MRTFB: variants seen among roughly 807,000 people sequenced by gnomAD.
MRTFB encodes the protein myocardin-related transcription factor B.
In MRTFB, 29 loss-of-function variants were observed where a neutral mutation model predicts 104.2. The ratio of observed to expected loss-of-function variants is 0.28; its 90% CI spans 0.21 to 0.38. The LOEUF is 0.38. Ranked by LOEUF, MRTFB falls within the 10% of genes least tolerant of loss-of-function variation. The pLI, the probability that MRTFB is intolerant of heterozygous loss-of-function variation, is 1.00. For synonymous variants in MRTFB, 535 were observed against 519.5 expected (o/e 1.03, Z -0.41); for missense variants, 1,270 against 1,341.6 (o/e 0.95, Z 0.83).
intron 2 of MRTFB, among the ~76,000 whole-genome samples, chr16:14,087,131 A>G (rs1197057449): frequency 1.3e-5 from 2 of 152,236 alleles, no homozygotes; most frequent in African/African-American, 2.4e-5. Context: ...ATAGATCCCT[A>G]GCAAAGCCAA....
rs1223707885 is a variant in MRTFB, at chr16:14,252,109, C to CTAA, written c.2565+88_2565+90dup. The CTAA allele has an allele frequency of 3.5e-6, 5 of 1,438,476 alleles. No individual in the cohort carries two copies. In the African/African-American group the frequency reaches 7.2e-5, roughly 21 times the overall value. The allele number at this position is 1,438,476 out of a possible 1,614,324, so 89.1% of individuals were successfully genotyped here. Reference sequence around the variant, plus strand: ...GCCTAGTGCTTTGGGCTTGGAGTGACTAATGTTAATGGGATAAAATTGTTG... The same window carrying CTAA: ...GCCTAGTGCTTTGGGCTTGGAGTGACTAATAATGTTAATGGGATAAAATTGTTG... On this transcript the variant is annotated intron_variant, in intron 14 of 16. Transcript: ENST00000571589.
At chr16:14,017,711 A>ATATATATATATATATATATATAT in the MRTFB span, among the ~76,000 whole-genome samples, 2 of 33,612 alleles carry the variant, frequency 6.0e-5, no homozygotes, top group Admixed American at 4.1e-4. Context: ...ATATATATAT[A>ATATATATATATATATATATATAT]TTTTTTTTTT....
intron 8 of MRTFB, among the ~76,000 whole-genome samples, chr16:14,220,911 C>G (rs936198234): frequency 2.0e-5 from 3 of 152,192 alleles, no homozygotes; most frequent in African/African-American, 7.2e-5. Flanking sequence ...CATTTCTGTC[C>G]TATGTGCCTT....
chr16:14,049,287 A>T, the MRTFB span, among the ~76,000 whole-genome samples: 1 of 152,266 alleles, frequency 6.6e-6, no homozygotes, highest in Non-Finnish European at 1.5e-5. Flanking sequence ...TTTTAAATGA[A>T]AAACATTAAA....
intron 2 of MRTFB, among the ~76,000 whole-genome samples, chr16:14,107,543 C>A (rs2036048062): frequency 6.6e-6 from 1 of 152,164 alleles, no homozygotes. Context: ...ATGGTGAGCA[C>A]AGTTGGGGAA....
At chr16:14,240,706 C>G (rs368086969) in intron 10 of MRTFB, 29 of 846,216 alleles carry the variant, frequency 3.4e-5, no homozygotes, top group Non-Finnish European at 5.9e-5. Flanking sequence ...TGAATTTTTA[C>G]AAGTTAGAAA....
the MRTFB span, among the ~76,000 whole-genome samples, chr16:14,023,819 G>T: frequency 6.6e-6 from 1 of 152,248 alleles, no homozygotes; most frequent in East Asian, 1.9e-4. Flanking sequence ...GGGAGGCTGA[G>T]GCTGGCAGAT....
intron 3 of MRTFB, among the ~76,000 whole-genome samples, chr16:14,174,621 TGTG>T (rs1021171844): frequency 6.6e-6 from 1 of 152,288 alleles, no homozygotes; most frequent in Non-Finnish European, 1.5e-5. Context: ...AGGCAGAGGT[TGTG>T]GTGAGCCAAA....
chr16:14,251,124 C>T (rs1026552588), intron 13 of MRTFB, among the ~76,000 whole-genome samples: 2 of 151,950 alleles, frequency 1.3e-5, no homozygotes, highest in South Asian at 4.1e-4. Context: ...AGCCTGTAAT[C>T]CCAGCACTTT....
chr16:14,234,294 T>C lies in MRTFB; in HGVS notation c.831+11T>C, dbSNP rs1181623268. On this transcript the variant is annotated intron_variant, in intron 9 of 16. Transcript: ENST00000571589. ...CCAGCACTGGTGAAGGTGGGTACTT[T>C]GGATACACCCTGGGTTTGGTGGCTT... is the stretch of plus-strand genomic sequence containing the variant. 6.2e-7 allele frequency: 1 copy of C among 1,613,352 alleles called. No individual in the cohort carries two copies. Among genetic ancestry groups the C allele is most frequent in the Non-Finnish European group, 8.5e-7 (1 of 1,179,640 alleles).
At chr16:14,053,869 A>C in the MRTFB span, among the ~76,000 whole-genome samples, 1 of 152,182 alleles carries the variant, frequency 6.6e-6, no homozygotes, top group Admixed American at 6.6e-5. Context: ...CCTGGGAGCC[A>C]GAGTGAGGCT....
At chr16:14,245,420 A>G in intron 10 of MRTFB, 108 bp from the exon 11 acceptor site, 1 of 910,200 alleles carries the variant, frequency 1.1e-6, no homozygotes, top group African/African-American at 1.7e-5. Context: ...CTTCCAATCC[A>G]TAACCATGGT....
At chr16:14,024,301 A>T in the MRTFB span, among the ~76,000 whole-genome samples, 1 of 152,250 alleles carries the variant, frequency 6.6e-6, no homozygotes, top group Non-Finnish European at 1.5e-5. Context: ...GTCATCAAGC[A>T]TGCATTTTAT....
chr16:14,016,827 G>A, the MRTFB span, among the ~76,000 whole-genome samples: 1 of 145,732 alleles, frequency 6.9e-6, no homozygotes, highest in Non-Finnish European at 1.5e-5. Context: ...AGGCCGTATG[G>A]TGGTTGGGAT....
intron 2 of MRTFB, among the ~76,000 whole-genome samples, chr16:14,129,164 T>A (rs1407424483): frequency 1.3e-5 from 2 of 152,246 alleles, no homozygotes; most frequent in Non-Finnish European, 2.9e-5. Context: ...TCCATTTAGG[T>A]CATTTGGGTA....
At chr16:14,122,064 C>A (rs764062234) in intron 2 of MRTFB, among the ~76,000 whole-genome samples, 1 of 152,128 alleles carries the variant, frequency 6.6e-6, no homozygotes, top group African/African-American at 2.4e-5. Context: ...GTCTCTGTTT[C>A]TTTGGCATGC....
chr16:14,200,094 C>G (rs757165273), intron 3 of MRTFB: 3 of 560,402 alleles, frequency 5.4e-6, no homozygotes, highest in African/African-American at 1.9e-5. Flanking sequence ...GGCAAAGTGA[C>G]CTTATCAAAG....
At chr16:14,242,831 A>G (rs2099925882) in intron 10 of MRTFB, among the ~76,000 whole-genome samples, 1 of 152,188 alleles carries the variant, frequency 6.6e-6, no homozygotes, top group African/African-American at 2.4e-5. Context: ...CAAACTGTTC[A>G]TTTTAATAGG....
intron 9 of MRTFB, among the ~76,000 whole-genome samples, chr16:14,239,973 C>T (rs770116466): frequency 4.6e-5 from 7 of 152,172 alleles, no homozygotes; most frequent in Non-Finnish European, 8.8e-5. Context: ...CCAAGGTCAG[C>T]GTGCATTGAG....
Sources: allele counts gnomAD v4.1 joint callset (sites outside exome capture counted in the v4.1 genomes callset), GRCh38; gene constraint gnomAD v4.1.1; transcripts MANE v1.5; gene names NCBI Gene and HGNC (gene_info 2026-07-23, HGNC 2026-07-21).